AGBL4: variants seen among roughly 807,000 people sequenced by gnomAD.
The protein encoded by AGBL4 is cytosolic carboxypeptidase 6.
In AGBL4, 58 loss-of-function variants were observed where a neutral mutation model predicts 66.4. The ratio of observed to expected loss-of-function variants is 0.87; its 90% CI spans 0.71 to 1.09. The LOEUF (loss-of-function observed/expected upper bound fraction) is 1.09, where lower values mean the gene tolerates loss of function less well. Ranked by LOEUF, AGBL4 falls within the 50% of genes least tolerant of loss-of-function variation. The pLI is 0.00. For synonymous variants in AGBL4, 234 were observed against 222.9 expected, an observed-to-expected ratio of 1.05 and a Z score of -0.44; for missense variants, 579 against 631.0, an observed-to-expected ratio of 0.92 and a Z score of 0.88.
intron 1 of AGBL4, among the ~76,000 whole-genome samples, chr1:50,000,904 A>G (rs1337682293): frequency 1.3e-5 from 2 of 151,950 alleles, no homozygotes; most frequent in Admixed American, 6.6e-5. Context: ...TTCGGGACTC[A>G]GGGGGAAGGG....
intron 1 of AGBL4, among the ~76,000 whole-genome samples, chr1:49,927,895 C>G (rs1355659993): frequency 6.6e-6 from 1 of 151,810 alleles, no homozygotes; most frequent in Non-Finnish European, 1.5e-5. Flanking sequence ...TAAAACTGAC[C>G]CAGAATTAAA....
At position 49,647,597 on chromosome 1, in the gene AGBL4, T is replaced by G. The variant is rs368512195; in HGVS notation, c.282+49716A>C. 3.3e-4 allele frequency among the ~76,000 whole-genome samples: 50 copies of G among 152,202 alleles called. 1 individual carries two copies. The South Asian group carries it at 9.5e-3, about 29-fold the overall frequency. The stretch of plus-strand genomic sequence containing the variant: ...CTTCTTGGTGAATACTGGAGAAAGA[T>G]CCTCCATGATCCAGGCAGGGGGAGG... On this transcript the variant is annotated intron_variant, in intron 3 of 13. Coordinates refer to ENST00000371839, the MANE Select transcript of AGBL4 (RefSeq NM_032785.4).
intron 1 of AGBL4, among the ~76,000 whole-genome samples, chr1:49,977,272 A>G (rs1571996927): frequency 1.3e-5 from 2 of 148,250 alleles, no homozygotes; most frequent in East Asian, 4.0e-4. Flanking sequence ...TTCACCTCCC[A>G]TCTTTCATGA....
intron 3 of AGBL4, among the ~76,000 whole-genome samples, chr1:49,695,737 G>A (rs1646970533): frequency 6.6e-6 from 1 of 152,052 alleles, no homozygotes; most frequent in Non-Finnish European, 1.5e-5. Context: ...AGCAAATAAT[G>A]TTCAGGACTC....
intron 2 of AGBL4, among the ~76,000 whole-genome samples, chr1:49,758,439 T>C (rs149119554): frequency 2.0e-5 from 3 of 152,292 alleles, no homozygotes; most frequent in South Asian, 2.1e-4. Context: ...CAAGAGCTTA[T>C]ACCGTATGCT....
intron 6 of AGBL4, among the ~76,000 whole-genome samples, chr1:48,858,170 T>C (rs566501584): frequency 3.3e-5 from 5 of 152,074 alleles, no homozygotes; most frequent in Non-Finnish European, 7.4e-5. Context: ...AATAAAAAGA[T>C]AGATAATAAC....
intron 3 of AGBL4, among the ~76,000 whole-genome samples, chr1:49,580,823 TA>T (rs1424054093): frequency 6.6e-6 from 1 of 152,218 alleles, no homozygotes; most frequent in African/African-American, 2.4e-5. Context: ...TTAGAATGTC[TA>T]ATTGTAATAT....
At chr1:49,349,870 G>C (rs1259126208) in intron 3 of AGBL4, among the ~76,000 whole-genome samples, 1 of 152,182 alleles carries the variant, frequency 6.6e-6, no homozygotes, top group Non-Finnish European at 1.5e-5. Context: ...TTAGGACACA[G>C]ATACGCATGT....
At chr1:49,872,974 T>A (rs1367943870) in intron 1 of AGBL4, among the ~76,000 whole-genome samples, 6 of 152,002 alleles carry the variant, frequency 3.9e-5, no homozygotes. Context: ...TTTTCAAATT[T>A]TTCTTTCTTT....
At chr1:48,819,114 A>G (rs1391011893) in intron 6 of AGBL4, among the ~76,000 whole-genome samples, 1 of 152,166 alleles carries the variant, frequency 6.6e-6, no homozygotes, top group Non-Finnish European at 1.5e-5. Flanking sequence ...TTTTCTCCTA[A>G]ATCAGCCTGG....
intron 1 of AGBL4, among the ~76,000 whole-genome samples, chr1:49,906,222 A>G (rs1650261132): frequency 6.6e-6 from 1 of 151,824 alleles, no homozygotes; most frequent in South Asian, 2.1e-4. Flanking sequence ...TTTAGGAAAT[A>G]GTATTTATTA....
At chr1:49,406,325 C>G (rs1189654709) in intron 3 of AGBL4, among the ~76,000 whole-genome samples, 2 of 152,080 alleles carry the variant, frequency 1.3e-5, no homozygotes, top group African/African-American at 2.4e-5. Context: ...TCCAATTATC[C>G]CATTTAAAAC....
At chr1:48,976,806 T>C (rs1443675409) in intron 5 of AGBL4, among the ~76,000 whole-genome samples, 1 of 152,110 alleles carries the variant, frequency 6.6e-6, no homozygotes, top group Non-Finnish European at 1.5e-5. Context: ...TTAACTCCAA[T>C]ATCCCCTACT....
chr1:48,569,641 G>T (rs1455774257), intron 11 of AGBL4, among the ~76,000 whole-genome samples: 1 of 152,234 alleles, frequency 6.6e-6, no homozygotes, highest in Non-Finnish European at 1.5e-5. Context: ...ATAAGGTCAT[G>T]TTGCTTTAAA....
intron 8 of AGBL4, among the ~76,000 whole-genome samples, chr1:48,643,081 C>A (rs1645782910): frequency 6.6e-6 from 1 of 152,168 alleles, no homozygotes; most frequent in Non-Finnish European, 1.5e-5. Flanking sequence ...CCAAGGACAC[C>A]ATCTAGATTG....
intron 4 of AGBL4, among the ~76,000 whole-genome samples, chr1:49,183,247 T>C (rs181135666): frequency 1.3e-5 from 2 of 152,308 alleles, no homozygotes; most frequent in Admixed American, 6.5e-5. Flanking sequence ...GCTTAGCACA[T>C]GTGTATATTA....
At chr1:48,880,340 T>C (rs565320207) in intron 5 of AGBL4, among the ~76,000 whole-genome samples, 26 of 152,302 alleles carry the variant, frequency 1.7e-4, no homozygotes, top group Admixed American at 3.3e-4. Context: ...TACATATATA[T>C]ACCAGTTTCT....
At chr1:49,335,769 C>T (rs575644761) in intron 3 of AGBL4, among the ~76,000 whole-genome samples, 4 of 152,198 alleles carry the variant, frequency 2.6e-5, no homozygotes, top group African/African-American at 4.8e-5. Context: ...CCCACCTTGG[C>T]CCCCCAAAAT....
chr1:49,971,264 A>G (rs1469927447), intron 1 of AGBL4, among the ~76,000 whole-genome samples: 2 of 152,342 alleles, frequency 1.3e-5, no homozygotes. Flanking sequence ...TACCTGGAAC[A>G]TGAATCATCC....
Sources: gnomAD v4.1 joint callset for allele counts (sites outside exome capture counted in the v4.1 genomes callset) on GRCh38, gnomAD v4.1.1 for gene constraint, MANE v1.5 for transcripts, NCBI Gene and HGNC (gene_info 2026-07-23, HGNC 2026-07-21) for gene names.